KIR2DL3: variants seen among roughly 807,000 people sequenced by gnomAD.
The protein encoded by KIR2DL3 is killer cell immunoglobulin-like receptor 2DL3.
A neutral mutation model predicts 33.8 loss-of-function variants in KIR2DL3; 39 were observed. The observed-to-expected ratio is 1.15, with a 90% CI of 0.89 to 1.51. The LOEUF is 1.51. Among genes scored for constraint, KIR2DL3 ranks in the 40% most tolerant of loss-of-function variants. The pLI is 0.00. For missense variants in KIR2DL3, 462 were observed against 426.2 expected (o/e 1.08, Z -0.74); for synonymous variants, 174 against 160.2 (o/e 1.09, Z -0.65).
At position 54,753,020 on chromosome 19, in the gene KIR2DL3, T is replaced by C. The variant is rs2147207991; in HGVS notation, c.*501T>C. 2 of 179,956 alleles carry C rather than the reference T, an allele frequency of 1.1e-5. 1 individual carries two copies. Among genetic ancestry groups the C allele is most frequent in the East Asian group, 2.7e-4 (2 of 7,454 alleles). The allele number at this position is 179,956 out of a possible 1,614,324, so 11.1% of individuals were successfully genotyped here. The stretch of plus-strand genomic sequence containing the variant: ...TTTTTTAAAATAATTTCAATGTAGT[T>C]TTCCCTCCTTCAAATAAACATGTCT... On this transcript the variant is annotated 3_prime_UTR_variant, in exon 8 of 8. Coordinates refer to ENST00000342376, the MANE Select transcript of KIR2DL3 (RefSeq NM_015868.3).
intron 5 of KIR2DL3, 113 bp from the exon 6 acceptor site, chr19:54,751,536 G>A (rs1381467181): frequency 2.2e-6 from 2 of 906,590 alleles, no homozygotes; most frequent in South Asian, 1.6e-5. Flanking sequence ...CCATCTGGGT[G>A]CTTGTCCTAA....
chr19:54,746,118 T>G (rs76530698), intron 4 of KIR2DL3, among the ~76,000 whole-genome samples: 9,190 of 101,116 alleles, frequency 0.091, 1,308 homozygotes, highest in Middle Eastern at 0.2. Context: ...CGGCCTAAAA[T>G]CCATTTTAAT....
intron 5 of KIR2DL3, among the ~76,000 whole-genome samples, chr19:54,749,320 T>G (rs1555915790): frequency 0.056 from 5,793 of 102,836 alleles, 1 homozygote; most frequent in Non-Finnish European, 0.066. Context: ...GGAGGCTCAG[T>G]TGCATAACTG....
At chr19:54,752,183 C>T (rs376034677) in intron 6 of KIR2DL3, 33 bp from the exon 7 acceptor site, 2 of 1,458,860 alleles carry the variant, frequency 1.4e-6, no homozygotes, top group Non-Finnish European at 1.9e-6. Flanking sequence ...GAAGTGCCCT[C>T]TGAGCTGTTT....
intron 4 of KIR2DL3, 119 bp downstream of exon 4, chr19:54,744,207 G>A (rs1234570006): frequency 6.7e-7 from 1 of 1,487,234 alleles, no homozygotes; most frequent in Non-Finnish European, 9.2e-7. Context: ...GCTTGGGTGT[G>A]AGGGAGGGAT....
At chr19:54,739,373 C>T (rs763588173) in intron 1 of KIR2DL3, 134 bp from the exon 2 acceptor site, 21,863 of 1,451,178 alleles carry the variant, frequency 0.015, no homozygotes, top group Non-Finnish European at 0.019. Flanking sequence ...TTCTTGGGTG[C>T]AGGTAGGCAC....
At position 54,744,932 on chromosome 19, in the gene KIR2DL3, ATATATATATATATATATATATATTTT is replaced by A. The variant is rs1358287611; in HGVS notation, c.664+846_664+871del. ...CACACATATATAAACATATATATAT[ATATATATATATATATATATATATTTT>A]TTTTTTTTTTTTTTTTTTTACCCTC... On this transcript the variant is annotated intron_variant, in intron 4 of 7. Coordinates refer to ENST00000342376, the MANE Select transcript of KIR2DL3 (RefSeq NM_015868.3). Among the ~76,000 whole-genome samples the A allele has an allele frequency of 3.1e-3, 72 of 23,544 alleles. 2 individuals are homozygous for A. The highest frequency in any genetic ancestry group is 5.1e-3 in the Non-Finnish European group (58 of 11,480). The allele number at this position is 23,544 out of a possible 152,430, so 15.4% of individuals were successfully genotyped here.
At chr19:54,748,957 A>T (rs891796200) in intron 5 of KIR2DL3, among the ~76,000 whole-genome samples, 3 of 151,626 alleles carry the variant, frequency 2.0e-5, no homozygotes, top group African/African-American at 4.9e-5. Flanking sequence ...GATAATGCTG[A>T]GTGTATGATT....
Position 54,743,328 on chromosome 19 carries a change from C to G in KIR2DL3, c.371-467C>G, listed in dbSNP as rs1335826602. Among the ~76,000 whole-genome samples, 30 of 151,712 alleles carry G rather than the reference C, an allele frequency of 2.0e-4. No homozygotes were observed. The South Asian group carries it at 3.1e-3, about 16-fold the overall frequency. ...ATCATAGAGAGAGAGATGATACATA[C>G]ATATAAATAACAGATGATTGATGGA... is the stretch of plus-strand genomic sequence containing the variant. On this transcript the variant is annotated intron_variant, in intron 3 of 7. Transcript: ENST00000342376.
Position 54,742,823 on chromosome 19 carries a change from C to T in KIR2DL3, c.370+544C>T, listed in dbSNP as rs1302420444. ...GCTGTGTGAACTTGTGGTCTCCAGA[C>T]TGGATTCTGTGGCTCACATTCCAAA... On this transcript the variant is annotated intron_variant, in intron 3 of 7. Transcript: ENST00000342376. Among the ~76,000 whole-genome samples, 3 of 151,038 alleles carry T rather than the reference C, an allele frequency of 2.0e-5. No individual in the cohort carries two copies. In the Admixed American group the frequency reaches 2.0e-4, roughly 10 times the overall value.
intron 5 of KIR2DL3, 53 bp downstream of exon 5, chr19:54,747,438 C>T: frequency 1.3e-6 from 2 of 1,580,194 alleles, no homozygotes; most frequent in Admixed American, 3.3e-5. Context: ...GAGGTAGAAA[C>T]CTTCGATGCA....
chr19:54,752,069 C>G, intron 6 of KIR2DL3, 147 bp from the exon 7 acceptor site: 1 of 941,814 alleles, frequency 1.1e-6, no homozygotes, highest in South Asian at 1.7e-5. Flanking sequence ...GGTCCTTGAG[C>G]TCAGAGAGAT....
In KIR2DL3 at chr19:54,752,823, A is replaced by G. The variant is rs2073691162; in HGVS notation, c.*304A>G. On this transcript the variant is annotated 3_prime_UTR_variant, in exon 8 of 8. Transcript: ENST00000342376. ...CCCACCTCTCCAACCTAACTGGCTT[A>G]CTTCCTAGTCTACTTGAGGCTGCAA... The G allele has an allele frequency of 2.0e-6, 1 of 495,558 alleles. No homozygotes were observed. The highest frequency in any genetic ancestry group is 3.1e-5 in the East Asian group (1 of 31,850). The allele number at this position is 495,558 out of a possible 1,614,324, so 30.7% of individuals were successfully genotyped here.
At position 54,743,252 on chromosome 19, in the gene KIR2DL3, G is replaced by A. The variant is rs1204759379; in HGVS notation, c.371-543G>A. Reference sequence around the variant, plus strand: ...GATTCATTAATAGATAATACATAGAGATGATGATGATGAAGACAGATAATA... The same window carrying A: ...GATTCATTAATAGATAATACATAGAAATGATGATGATGAAGACAGATAATA... On this transcript the variant is annotated intron_variant, in intron 3 of 7. Coordinates refer to ENST00000342376, the MANE Select transcript of KIR2DL3 (RefSeq NM_015868.3). Among the ~76,000 whole-genome samples the A allele has an allele frequency of 1.1e-4, 16 of 152,144 alleles. No homozygotes were observed. The South Asian group carries it at 3.3e-3, about 32-fold the overall frequency.
chr19:54,743,928 A>G lies in KIR2DL3; in HGVS notation c.504A>G (p.Glu168=), dbSNP rs540284458. ...YHLSREGEAH[E]RRFSAGPKVN... ...TATCCAGGGAGGGGGAGGCCCATGAACGTAGGTTCTCTGCAGGGCCCAAGG... is the reference window on the plus strand; with the variant it reads ...TATCCAGGGAGGGGGAGGCCCATGAGCGTAGGTTCTCTGCAGGGCCCAAGG... Residue 168 remains glutamate (E), a synonymous_variant, in exon 4 of 8, where the codon GAA becomes GAG. Transcript: ENST00000342376. The G allele has an allele frequency of 4.3e-6, 7 of 1,614,114 alleles. No homozygotes were observed. The South Asian group carries it at 6.6e-5, about 15-fold the overall frequency.
rs368962684 is a variant in KIR2DL3 at position 54,742,758 on chromosome 19, G to A, written c.370+479G>A. ...GCCTTCCATGTAATGGAGAGTAATC[G>A]TCCCAGGATATCATGGCCCCAGAAC... On this transcript the variant is annotated intron_variant, in intron 3 of 7. Transcript: ENST00000342376. 4.5e-4 allele frequency among the ~76,000 whole-genome samples: 68 copies of A among 151,184 alleles called. No individual in the cohort carries two copies. The East Asian group carries it at 0.012, about 27-fold the overall frequency.
At chr19:54,747,428 G>T (rs1195256045) in intron 5 of KIR2DL3, 43 bp downstream of exon 5, 1 of 1,598,240 alleles carries the variant, frequency 6.3e-7, no homozygotes, top group African/African-American at 1.3e-5. Flanking sequence ...GAAACCTGGG[G>T]AGGTAGAAAC....
intron 4 of KIR2DL3, among the ~76,000 whole-genome samples, chr19:54,744,401 T>A (rs1232361148): frequency 2.0e-5 from 3 of 152,092 alleles, no homozygotes; most frequent in African/African-American, 4.8e-5. Context: ...ATTACCCATT[T>A]CCCAGAAGCC....
chr19:54,738,766 G>A (rs1228032799), intron 1 of KIR2DL3, among the ~76,000 whole-genome samples, 187 bp downstream of exon 1: 1 of 151,020 alleles, frequency 6.6e-6, no homozygotes, highest in Non-Finnish European at 1.5e-5. Context: ...GTTGAGATAT[G>A]GGCCTGCAGT....
Sources: gnomAD v4.1 joint callset for allele counts (sites outside exome capture counted in the v4.1 genomes callset) on GRCh38, gnomAD v4.1.1 for gene constraint, MANE v1.5 for transcripts, NCBI Gene and HGNC (gene_info 2026-07-23, HGNC 2026-07-21) for gene names.